Variants in MYO1H observed in about 807,000 individuals in gnomAD.
MYO1H encodes myosin IH.
In MYO1H, 118 loss-of-function variants were observed where a neutral mutation model predicts 149.3. That is an observed-to-expected ratio of 0.79 (90% CI 0.68 to 0.92). The LOEUF is 0.92. Ranked by LOEUF, MYO1H falls within the 40% of genes least tolerant of loss-of-function variation. The pLI is 0.00. For missense variants in MYO1H, 1,212 were observed against 1,280.7 expected, an observed-to-expected ratio of 0.95 and a Z score of 0.82; for synonymous variants, 447 against 465.2, an observed-to-expected ratio of 0.96 and a Z score of 0.50.
intron 1 of MYO1H, among the ~76,000 whole-genome samples, chr12:109,350,296 C>A (rs1385684025): frequency 2.0e-5 from 3 of 152,082 alleles, no homozygotes; most frequent in African/African-American, 7.2e-5. Flanking sequence ...TGTCCCCACC[C>A]AAATCTCATC....
At chr12:109,405,872 C>A in intron 7 of MYO1H, 50 bp from the exon 8 acceptor site, 2 of 1,363,550 alleles carry the variant, frequency 1.5e-6, no homozygotes, top group South Asian at 1.2e-5. Flanking sequence ...GGCCACCGTT[C>A]TCTTTCCCTG....
At chr12:109,412,530 G>A (rs1870718382) in intron 14 of MYO1H, among the ~76,000 whole-genome samples, 1 of 152,128 alleles carries the variant, frequency 6.6e-6, no homozygotes, top group African/African-American at 2.4e-5. Flanking sequence ...ACATGTCTAT[G>A]TACATGAAAT....
chr12:109,365,037 G>A (rs937377711), intron 1 of MYO1H, among the ~76,000 whole-genome samples: 29 of 152,322 alleles, frequency 1.9e-4, no homozygotes, highest in South Asian at 8.3e-4. Flanking sequence ...TTGGAAGGCC[G>A]AGGCGGGAGG....
At chr12:109,327,738 T>TAAAAA in the MYO1H span, among the ~76,000 whole-genome samples, 2 of 15,912 alleles carry the variant, frequency 1.3e-4, no homozygotes, top group East Asian at 1.0e-3. Flanking sequence ...CAAAACTGTC[T>TAAAAA]CAAAAAAAAA....
chr12:109,410,999 G>T (rs971535865), intron 13 of MYO1H, among the ~76,000 whole-genome samples: 3 of 152,046 alleles, frequency 2.0e-5, no homozygotes, highest in African/African-American at 7.2e-5. Flanking sequence ...AAAATTAGCC[G>T]GGCATGATGG....
At chr12:109,388,889 C>T (rs749787243) in intron 2 of MYO1H, 45 bp downstream of exon 2, 4 of 1,553,954 alleles carry the variant, frequency 2.6e-6, no homozygotes, top group Admixed American at 3.7e-5. Flanking sequence ...GTGGTTGTTC[C>T]CTTCTTGCCT....
At chr12:109,439,498 T>TTGCCTGTGGCCTACATTCCA in intron 23 of MYO1H, 133 bp from the exon 24 acceptor site, 2 of 676,082 alleles carry the variant, frequency 3.0e-6, no homozygotes, top group Non-Finnish European at 4.9e-6. Context: ...GGGGCAGATT[T>TTGCCTGTGGCCTACATTCCA]GGCCTCTGGC....
intron 1 of MYO1H, among the ~76,000 whole-genome samples, chr12:109,355,364 C>T (rs1167160643): frequency 6.6e-6 from 1 of 152,170 alleles, no homozygotes; most frequent in Admixed American, 6.5e-5. Context: ...GTAATTTAAA[C>T]AGCAAAGTGC....
At chr12:109,429,069 T>C (rs1239848803) in intron 19 of MYO1H, among the ~76,000 whole-genome samples, 3 of 152,182 alleles carry the variant, frequency 2.0e-5, no homozygotes, top group African/African-American at 7.2e-5. Flanking sequence ...CAGCCAGGCA[T>C]AGTGGCGCAT....
intron 21 of MYO1H, 23 bp downstream of exon 21, chr12:109,435,136 G>A (rs760296816): frequency 2.0e-5 from 30 of 1,465,408 alleles, no homozygotes; most frequent in Middle Eastern, 1.7e-4. Flanking sequence ...TTTCTGTCCC[G>A]ATTTCAATAG....
At chr12:109,365,773 G>T (rs1028745681) in intron 1 of MYO1H, among the ~76,000 whole-genome samples, 3 of 152,164 alleles carry the variant, frequency 2.0e-5, no homozygotes, top group African/African-American at 7.2e-5. Flanking sequence ...GGAACGGGAG[G>T]CCTAGATGCT....
intron 6 of MYO1H, among the ~76,000 whole-genome samples, 164 bp from the exon 7 acceptor site, chr12:109,403,818 C>T (rs539668505): frequency 6.6e-6 from 1 of 152,206 alleles, no homozygotes; most frequent in South Asian, 2.1e-4. Context: ...AAAAAAGCAA[C>T]AGTTGTCAGA....
At chr12:109,429,599 G>C (rs1351721863) in intron 19 of MYO1H, among the ~76,000 whole-genome samples, 7 of 152,150 alleles carry the variant, frequency 4.6e-5, no homozygotes, top group Non-Finnish European at 1.0e-4. Context: ...TTTTATTAGA[G>C]ACTTGAACAT....
Position 109,388,833 on chromosome 12 carries a change from A to G in MYO1H, c.163A>G (p.Asn55Asp). The G allele has an allele frequency of 4.3e-6, 7 of 1,611,504 alleles. No individual in the cohort carries two copies. The South Asian group carries it at 7.7e-5, about 18-fold the overall frequency. The stretch of plus-strand genomic sequence containing the variant: ...CAACCTCCGCAAGCGTTTCAGCGAG[A>G]ACCTCATATACGTAACGTGACCCAC... The change falls in exon 2 of 32, where the codon AAC (asparagine) becomes GAC (aspartate). Residue 55 changes from asparagine to aspartate, a missense_variant. By Grantham distance (23) the Asn-to-Asp change is conservative (BLOSUM62 1). Transcript: ENST00000310903.
chr12:109,318,960 G>GGT, the MYO1H span, among the ~76,000 whole-genome samples: 1 of 77,938 alleles, frequency 1.3e-5, no homozygotes, highest in African/African-American at 6.6e-5. Context: ...AACTCTCTGC[G>GGT]TTTTTGGTTT....
At position 109,443,508 on chromosome 12, in the gene MYO1H, T is replaced by A. The variant is rs375316889; in HGVS notation, c.2689-6T>A. ...CTTCCCTGGTGAAGTCACCTTCCCC[T>A]TGCAGTATGGTGTCCCGGTCATTAA... On this transcript the variant is annotated splice_polypyrimidine_tract_variant and splice_region_variant and intron_variant, in intron 27 of 31. Coordinates refer to ENST00000310903, the Ensembl canonical transcript of MYO1H. The A allele has an allele frequency of 1.1e-5, 18 of 1,612,982 alleles. No individual in the cohort carries two copies. In the African/African-American group the frequency reaches 1.7e-4, roughly 16 times the overall value.
intron 28 of MYO1H, 138 bp downstream of exon 28, chr12:109,443,787 C>T (rs923693374): frequency 3.3e-5 from 29 of 884,596 alleles, no homozygotes; most frequent in Non-Finnish European, 4.8e-5. Flanking sequence ...CCTGTAGTCT[C>T]AGCTACTCGG....
the MYO1H span, among the ~76,000 whole-genome samples, chr12:109,311,933 C>T: frequency 6.6e-6 from 1 of 152,210 alleles, no homozygotes; most frequent in Non-Finnish European, 1.5e-5. Context: ...ATGCTCTAAT[C>T]TGCGTCTTGG....
chr12:109,376,912 G>C (rs1038181512), intron 1 of MYO1H, among the ~76,000 whole-genome samples: 1 of 152,134 alleles, frequency 6.6e-6, no homozygotes. Flanking sequence ...AGAATACTGA[G>C]TCTTTCCATT....
Sources: gnomAD v4.1 joint callset for allele counts (sites outside exome capture counted in the v4.1 genomes callset) on GRCh38, gnomAD v4.1.1 for gene constraint, MANE v1.5 for transcripts, NCBI Gene and HGNC (gene_info 2026-07-23, HGNC 2026-07-21) for gene names.